Variants in PBX3 observed in about 807,000 individuals in gnomAD.
The protein encoded by PBX3 is pre-B-cell leukemia transcription factor 3.
A neutral mutation model predicts 48.5 loss-of-function variants in PBX3; 14 were observed. The observed-to-expected ratio is 0.29, with a 90% CI of 0.19 to 0.45. PBX3 has a LOEUF of 0.45. Among genes scored for constraint, PBX3 ranks in the 20% least tolerant of loss-of-function variants. The pLI is 1.00. For synonymous variants in PBX3, 210 were observed against 200.3 expected, an observed-to-expected ratio of 1.05 and a Z score of -0.41; for missense variants, 386 against 546.7, an observed-to-expected ratio of 0.71 and a Z score of 2.93.
chr9:125,783,356 C>T (rs2132041975), intron 2 of PBX3, among the ~76,000 whole-genome samples: 1 of 152,168 alleles, frequency 6.6e-6, no homozygotes, highest in Admixed American at 6.5e-5. Context: ...GGCACGATCT[C>T]AGCTCACTGC....
intron 2 of PBX3, among the ~76,000 whole-genome samples, chr9:125,833,878 A>G (rs1014701600): frequency 6.6e-6 from 1 of 152,184 alleles, no homozygotes; most frequent in African/African-American, 2.4e-5. Flanking sequence ...TGGGATTGCT[A>G]GGTCATAGAT....
intron 2 of PBX3, among the ~76,000 whole-genome samples, chr9:125,843,098 T>G (rs1408183456): frequency 2.6e-5 from 4 of 152,106 alleles, no homozygotes; most frequent in Non-Finnish European, 5.9e-5. Flanking sequence ...TTTATTTTCC[T>G]TCTTCTCTGT....
chr9:125,919,824 A>G (rs1307092126), intron 3 of PBX3, among the ~76,000 whole-genome samples: 2 of 152,244 alleles, frequency 1.3e-5, no homozygotes, highest in Admixed American at 6.5e-5. Context: ...CCACATTTAC[A>G]AAGCTAAGCA....
rs781521718 is a variant in PBX3 at position 125,965,835 on chromosome 9, A to T, written c.1217A>T (p.Asn406Ile). ...SLYSPHNLNA[N>I]GGWQDATTPS... is the part of the protein sequence containing the mutation. Reference sequence around the variant, plus strand: ...GAACTGTGTTTCTCCTTTCAGGCTAATGGAGGCTGGCAGGACGCAACAACT... The same window carrying T: ...GAACTGTGTTTCTCCTTTCAGGCTATTGGAGGCTGGCAGGACGCAACAACT... The change falls in exon 9 of 9, where the codon AAT becomes ATT. Residue 406 changes from asparagine (N) to isoleucine (I), a missense_variant. By Grantham distance (149) the Asn-to-Ile change is moderately radical. Coordinates refer to ENST00000373489, the MANE Select transcript of PBX3 (RefSeq NM_006195.6). 1 of 1,613,654 alleles carries T rather than the reference A, an allele frequency of 6.2e-7. No individual in the cohort carries two copies. Among genetic ancestry groups the T allele is most frequent in the South Asian group, 1.1e-5 (1 of 91,072 alleles).
At chr9:125,790,192 T>A (rs1219491127) in intron 2 of PBX3, among the ~76,000 whole-genome samples, 1 of 152,168 alleles carries the variant, frequency 6.6e-6, no homozygotes, top group African/African-American at 2.4e-5. Flanking sequence ...ATAATTTTGA[T>A]CTCTAATATC....
At chr9:125,813,785 AT>A (rs1211442397) in intron 2 of PBX3, among the ~76,000 whole-genome samples, 5 of 151,812 alleles carry the variant, frequency 3.3e-5, no homozygotes, top group Non-Finnish European at 1.5e-5. Context: ...AGAAAACAAG[AT>A]TTGAGTGTAA....
intron 2 of PBX3, among the ~76,000 whole-genome samples, chr9:125,890,260 G>A (rs919809066): frequency 1.3e-5 from 2 of 152,126 alleles, no homozygotes; most frequent in Non-Finnish European, 2.9e-5. Context: ...CAAAACAATG[G>A]TGGTTGAGAA....
intron 5 of PBX3, among the ~76,000 whole-genome samples, chr9:125,957,548 C>G (rs1240691157): frequency 2.0e-5 from 3 of 152,192 alleles, no homozygotes; most frequent in African/African-American, 4.8e-5. Context: ...AGGATTCTTA[C>G]ATATCTAGAG....
chr9:125,844,476 G>C (rs947418914), intron 2 of PBX3: 1 of 151,826 alleles, frequency 6.6e-6, no homozygotes, highest in African/African-American at 2.4e-5. Flanking sequence ...TGGGTATTTT[G>C]GTTCTGAAAA....
At chr9:125,778,775 T>A (rs1014564134) in intron 2 of PBX3, among the ~76,000 whole-genome samples, 39 of 147,016 alleles carry the variant, frequency 2.7e-4, no homozygotes, top group African/African-American at 9.8e-4. Context: ...CCTCACCCTG[T>A]TTGTATGGCC....
At chr9:125,847,674 T>G (rs188619306) in intron 2 of PBX3, among the ~76,000 whole-genome samples, 1 of 152,014 alleles carries the variant, frequency 6.6e-6, no homozygotes, top group East Asian at 1.9e-4. Flanking sequence ...ATTTTTTTCT[T>G]TATCCTTTTC....
intron 2 of PBX3, among the ~76,000 whole-genome samples, chr9:125,904,667 A>G (rs1053931551): frequency 6.6e-6 from 1 of 151,908 alleles, no homozygotes; most frequent in Non-Finnish European, 1.5e-5. Flanking sequence ...AAATCCCATC[A>G]AAGAGAGGAA....
chr9:125,757,925 A>C (rs1163978129), intron 2 of PBX3, among the ~76,000 whole-genome samples: 4 of 152,168 alleles, frequency 2.6e-5, no homozygotes, highest in Non-Finnish European at 4.4e-5. Flanking sequence ...TTCTCATCAT[A>C]TTTCTTTGTT....
chr9:125,899,493 C>G (rs1040815507), intron 2 of PBX3, among the ~76,000 whole-genome samples: 1 of 144,482 alleles, frequency 6.9e-6, no homozygotes, highest in Non-Finnish European at 1.5e-5. Flanking sequence ...AGAGAGCTCA[C>G]CCACAGGCAG....
chr9:125,898,659 A>G (rs1430120498), intron 2 of PBX3, among the ~76,000 whole-genome samples: 1 of 151,816 alleles, frequency 6.6e-6, no homozygotes, highest in African/African-American at 2.4e-5. Flanking sequence ...CCAAGGCCAT[A>G]CAACCAAATA....
chr9:125,907,694 C>T (rs1306118112), intron 2 of PBX3, among the ~76,000 whole-genome samples: 1 of 151,990 alleles, frequency 6.6e-6, no homozygotes, highest in African/African-American at 2.4e-5. Context: ...AAGCCATGTT[C>T]TCCAGTATTG....
intron 2 of PBX3, among the ~76,000 whole-genome samples, chr9:125,910,977 T>C (rs1841191300): frequency 6.6e-6 from 1 of 152,048 alleles, no homozygotes; most frequent in Non-Finnish European, 1.5e-5. Context: ...AGTCAGTCCT[T>C]ACTTAAGGGT....
Position 125,757,550 on chromosome 9 carries a change from A to G in PBX3, c.274+8927A>G, listed in dbSNP as rs141591803. On this transcript the variant is annotated intron_variant, in intron 2 of 8. Coordinates refer to ENST00000373489, the MANE Select transcript of PBX3 (RefSeq NM_006195.6). Reference sequence around the variant, plus strand: ...GTAATTAATATCTTTAATTAAACCTAGTAATATTGGCATATTTTATTTTTC... The same window carrying G: ...GTAATTAATATCTTTAATTAAACCTGGTAATATTGGCATATTTTATTTTTC... Among the ~76,000 whole-genome samples the G allele has an allele frequency of 9.1e-3, 1,388 of 152,302 alleles. 29 individuals carry two copies. The highest frequency in any genetic ancestry group is 0.031 in the African/African-American group (1,302 of 41,564).
chr9:125,781,909 C>A (rs1040340350), intron 2 of PBX3, among the ~76,000 whole-genome samples: 2 of 151,796 alleles, frequency 1.3e-5, no homozygotes, highest in African/African-American at 4.8e-5. Flanking sequence ...ATGTCCTATA[C>A]CTTTTTGTTC....
Sources: gnomAD v4.1 joint callset for allele counts (sites outside exome capture counted in the v4.1 genomes callset) on GRCh38, gnomAD v4.1.1 for gene constraint, MANE v1.5 for transcripts, NCBI Gene and HGNC (gene_info 2026-07-23, HGNC 2026-07-21) for gene names.